Variants in ERI3 observed in about 807,000 individuals in gnomAD.
ERI3 encodes ERI1 exoribonuclease 3.
Under a neutral mutation model 44.4 loss-of-function variants are expected in ERI3, and 18 were observed. The observed-to-expected ratio is 0.41, with a 90% CI of 0.28 to 0.60. ERI3 has a LOEUF of 0.60. Among genes scored for constraint, ERI3 ranks in the 20% least tolerant of loss-of-function variants. The probability of loss-of-function intolerance (pLI) is 0.36; values close to 1 mark genes in which losing one functional copy is unlikely to be tolerated. For synonymous variants in ERI3, 183 were observed against 164.8 expected, an observed-to-expected ratio of 1.11 and a Z score of -0.84; for missense variants, 294 against 435.5, an observed-to-expected ratio of 0.68 and a Z score of 2.89.
At chr1:44,289,987 T>G (rs187269632) in intron 6 of ERI3, among the ~76,000 whole-genome samples, 3 of 152,360 alleles carry the variant, frequency 2.0e-5, no homozygotes, top group Admixed American at 2.0e-4. Flanking sequence ...CTGGCTTTCA[T>G]GCTTTCATCT....
In ERI3 at chr1:44,325,505, A is replaced by G. The variant is rs1398851672; in HGVS notation, c.490-5761T>C. Among the ~76,000 whole-genome samples the G allele has an allele frequency of 2.0e-5, 3 of 152,350 alleles. No individual in the cohort carries two copies. The East Asian group carries it at 5.8e-4, about 29-fold the overall frequency. On this transcript the variant is annotated intron_variant, in intron 3 of 8. Coordinates refer to ENST00000372257, the MANE Select transcript of ERI3 (RefSeq NM_024066.3). Reference sequence around the variant, plus strand: ...AGTAGATTACAAGAAATAAATGTGTAAGTTGCTTTCGGGGTATTCAAACTC... The same window carrying G: ...AGTAGATTACAAGAAATAAATGTGTGAGTTGCTTTCGGGGTATTCAAACTC...
At chr1:44,345,907 C>G (rs1646773752) in intron 2 of ERI3, among the ~76,000 whole-genome samples, 1 of 152,186 alleles carries the variant, frequency 6.6e-6, no homozygotes, top group Non-Finnish European at 1.5e-5. Context: ...AACTCCAAGG[C>G]CAGGGTCTCA....
intron 7 of ERI3, among the ~76,000 whole-genome samples, chr1:44,272,668 C>G (rs1182673446): frequency 6.6e-6 from 1 of 151,754 alleles, no homozygotes; most frequent in Non-Finnish European, 1.5e-5. Flanking sequence ...ATGACGAGAC[C>G]CCATCTCTAC....
At chr1:44,230,795 C>G (rs1192184224) in intron 8 of ERI3, among the ~76,000 whole-genome samples, 1 of 152,222 alleles carries the variant, frequency 6.6e-6, no homozygotes, top group Non-Finnish European at 1.5e-5. Context: ...CCTTCTTTGA[C>G]TTTAGTACTA....
chr1:44,332,250 G>A (rs1333855641), intron 3 of ERI3, among the ~76,000 whole-genome samples: 1 of 151,992 alleles, frequency 6.6e-6, no homozygotes, highest in Non-Finnish European at 1.5e-5. Flanking sequence ...ATTTATCAAT[G>A]GCCCTATTCT....
chr1:44,310,961 GCGCACACACACACACA>G (rs1209681994), intron 5 of ERI3, among the ~76,000 whole-genome samples: 53 of 84,700 alleles, frequency 6.3e-4, no homozygotes, highest in South Asian at 2.1e-3. Flanking sequence ...TCGCGCGCGC[GCGCACACACACACACA>G]CACACACACA....
At chr1:44,281,601 A>AAATATATAT (rs1460400186) in intron 7 of ERI3, among the ~76,000 whole-genome samples, 101 of 128,012 alleles carry the variant, frequency 7.9e-4, no homozygotes, top group South Asian at 2.9e-3. Context: ...AAAAAAAAAA[A>AAATATATAT]ATATATATAT....
At chr1:44,308,201 T>C in intron 6 of ERI3, 109 bp downstream of exon 6, 2 of 803,870 alleles carry the variant, frequency 2.5e-6, no homozygotes, top group Non-Finnish European at 4.3e-6. Flanking sequence ...CTCAAAGACC[T>C]GAAGAATCCC....
intron 8 of ERI3, among the ~76,000 whole-genome samples, chr1:44,238,753 C>G (rs887883072): frequency 6.6e-6 from 1 of 151,986 alleles, no homozygotes; most frequent in African/African-American, 2.4e-5. Context: ...TAGCCTCCCC[C>G]CACAGAGGCC....
chr1:44,323,674 G>A (rs1217683379), intron 3 of ERI3, among the ~76,000 whole-genome samples: 2 of 152,192 alleles, frequency 1.3e-5, no homozygotes, highest in African/African-American at 4.8e-5. Flanking sequence ...TTACTACGTG[G>A]CAGATACTGT....
At chr1:44,324,474 C>T (rs1340204144) in intron 3 of ERI3, among the ~76,000 whole-genome samples, 2 of 119,094 alleles carry the variant, frequency 1.7e-5, no homozygotes, top group Admixed American at 9.5e-5. Flanking sequence ...GCAACATAGA[C>T]TCTTTTTTTT....
chr1:44,325,947 C>A (rs763320185), intron 3 of ERI3, among the ~76,000 whole-genome samples: 10 of 152,192 alleles, frequency 6.6e-5, no homozygotes, highest in Non-Finnish European at 8.8e-5. Context: ...CTGCACCCAG[C>A]CCAGAGGGTT....
chr1:44,271,617 T>A (rs1645089029), intron 7 of ERI3, among the ~76,000 whole-genome samples: 2 of 152,220 alleles, frequency 1.3e-5, no homozygotes, highest in Admixed American at 1.3e-4. Flanking sequence ...ATAGAACTTC[T>A]CCCTTAGAAT....
At chr1:44,234,246 T>C (rs1644253715) in intron 8 of ERI3, among the ~76,000 whole-genome samples, 1 of 152,212 alleles carries the variant, frequency 6.6e-6, no homozygotes, top group African/African-American at 2.4e-5. Flanking sequence ...TCTAAGCCCA[T>C]GTTCCCATTA....
At chr1:44,307,925 TTA>T (rs1645874377) in intron 6 of ERI3, among the ~76,000 whole-genome samples, 1 of 152,210 alleles carries the variant, frequency 6.6e-6, no homozygotes, top group Non-Finnish European at 1.5e-5. Flanking sequence ...AATGCCTACT[TTA>T]TATGGTTGAC....
chr1:44,279,961 G>A (rs1645253646), intron 7 of ERI3, among the ~76,000 whole-genome samples: 1 of 152,066 alleles, frequency 6.6e-6, no homozygotes, highest in Admixed American at 6.5e-5. Flanking sequence ...ACAGGGCTGG[G>A]TAGGAATACA....
chr1:44,353,699 A>G, intron 1 of ERI3: 2 of 985,472 alleles, frequency 2.0e-6, no homozygotes, highest in South Asian at 4.7e-5. Flanking sequence ...TCAAGTTGGA[A>G]GAAAAGCTCT....
chr1:44,223,508 C>T lies in ERI3; in HGVS notation c.932-1868G>A, dbSNP rs1369601664. On this transcript the variant is annotated intron_variant, in intron 8 of 8. Transcript: ENST00000372257. ...GGGAACCTCCAATCCTTCCTGTCTC[C>T]GGTACCCTAGGGACCGTGGCCGCTG... Among the ~76,000 whole-genome samples, 5 of 152,212 alleles carry T rather than the reference C, an allele frequency of 3.3e-5. No homozygotes were observed. In the South Asian group the frequency reaches 8.3e-4, roughly 25 times the overall value.
intron 8 of ERI3, among the ~76,000 whole-genome samples, chr1:44,245,167 C>T (rs373543528): frequency 6.6e-6 from 1 of 152,088 alleles, no homozygotes; most frequent in East Asian, 1.9e-4. Context: ...CTCGGGGCAT[C>T]GCCAGCTGAA....
Sources: gnomAD v4.1 joint callset for allele counts (sites outside exome capture counted in the v4.1 genomes callset) on GRCh38, gnomAD v4.1.1 for gene constraint, MANE v1.5 for transcripts, NCBI Gene and HGNC (gene_info 2026-07-23, HGNC 2026-07-21) for gene names.